The following TPD52L2 variants were observed in gnomAD, a reference collection of about 807,000 sequenced individuals.
TPD52L2 encodes the protein TPD52 like 2.
A neutral mutation model predicts 24.7 loss-of-function variants in TPD52L2; 19 were observed. The observed-to-expected ratio is 0.77, with a 90% CI of 0.54 to 1.13. The LOEUF is 1.13. TPD52L2 is among the 50% of genes most tolerant of loss of function. TPD52L2 has a pLI of 0.00. For missense variants in TPD52L2, 236 were observed against 250.4 expected (o/e 0.94, Z 0.39); for synonymous variants, 104 against 100.2 (o/e 1.04, Z -0.23).
At chr20:63,885,859 G>A (rs2053073256) in intron 5 of TPD52L2, among the ~76,000 whole-genome samples, 2 of 152,184 alleles carry the variant, frequency 1.3e-5, no homozygotes, top group South Asian at 2.1e-4. Context: ...GGTGGTGTGC[G>A]GACTGGAGGA....
In TPD52L2 at chr20:63,887,787, T is replaced by G. The variant is rs745331955; in HGVS notation, c.477-1403T>G. ...CCCCTCTAGGCTGACGAGGAAGAGC[T>G]GGTAGGGGGTCAGGCTCTTCACCTG... On this transcript the variant is annotated intron_variant, in intron 5 of 6. Coordinates refer to ENST00000346249, the MANE Select transcript of TPD52L2 (RefSeq NM_003288.4). 112 of 639,026 alleles carry G rather than the reference T, an allele frequency of 1.8e-4. 1 individual carries two copies. In the Admixed American group the frequency reaches 3.0e-3, roughly 17 times the overall value. 39.6% of individuals were successfully genotyped at this position (639,026 alleles called of 1,614,324 possible). A position where few individuals can be genotyped will look rare whatever the true frequency, so the allele number is the denominator to read the frequency against.
At chr20:63,887,480 C>A in intron 5 of TPD52L2, 2 of 1,450,044 alleles carry the variant, frequency 1.4e-6, no homozygotes, top group Non-Finnish European at 1.9e-6. Flanking sequence ...CCCAGCTCTG[C>A]CCATCCCTGC....
At chr20:63,871,393 A>AC (rs2052458667) in intron 2 of TPD52L2, among the ~76,000 whole-genome samples, 1 of 151,550 alleles carries the variant, frequency 6.6e-6, no homozygotes, top group South Asian at 2.1e-4. Flanking sequence ...TCTGTCGCCC[A>AC]GGCTGGAGTG....
chr20:63,887,939 G>A (rs2146249926), intron 5 of TPD52L2: 1 of 423,226 alleles, frequency 2.4e-6, no homozygotes, highest in Non-Finnish European at 4.3e-6. Context: ...TTGCCCTGGT[G>A]GGCTGTCACT....
intron 1 of TPD52L2, among the ~76,000 whole-genome samples, chr20:63,867,577 A>G (rs1206404820): frequency 1.3e-5 from 2 of 151,342 alleles, no homozygotes; most frequent in African/African-American, 2.4e-5. Flanking sequence ...AAAAAAAAAA[A>G]GAGAATCAGT....
intron 4 of TPD52L2, among the ~76,000 whole-genome samples, chr20:63,878,687 GA>G (rs1212325038): frequency 3.3e-5 from 5 of 152,348 alleles, no homozygotes; most frequent in Middle Eastern, 3.4e-3. Context: ...AGACTCAGGA[GA>G]GGGGGAGTGC....
At position 63,887,654 on chromosome 20, in the gene TPD52L2, G is replaced by T. The variant is rs546603083; in HGVS notation, c.477-1536G>T. 7 of 1,593,574 alleles carry T rather than the reference G, an allele frequency of 4.4e-6. No individual in the cohort carries two copies. The South Asian group carries it at 6.6e-5, about 15-fold the overall frequency. ...GCTCCAGAGCCGGGTGTCTCTGGTG[G>T]GGGTTGGGGCAGCTCCCGCCGGTTA... On this transcript the variant is annotated intron_variant, in intron 5 of 6. Transcript: ENST00000346249.
At chr20:63,873,395 A>G (rs954182897) in intron 2 of TPD52L2, among the ~76,000 whole-genome samples, 6 of 151,718 alleles carry the variant, frequency 4.0e-5, no homozygotes, top group African/African-American at 1.5e-4. Context: ...AGGCTGAGGC[A>G]GGAGAATCAC....
intron 1 of TPD52L2, among the ~76,000 whole-genome samples, chr20:63,866,335 C>A (rs182151754): frequency 6.6e-6 from 1 of 152,130 alleles, no homozygotes; most frequent in Non-Finnish European, 1.5e-5. Context: ...GATCTCTTGA[C>A]CTTGTGATCC....
At position 63,867,254 on chromosome 20, in the gene TPD52L2, T is replaced by A. The variant is rs546705691; in HGVS notation, c.19+1870T>A. Reference sequence around the variant, plus strand: ...CAGGTGTGAGCCATTGTGCCCAGCCTCATTTGTCTTTTTTTAAATAGAACA... The same window carrying A: ...CAGGTGTGAGCCATTGTGCCCAGCCACATTTGTCTTTTTTTAAATAGAACA... On this transcript the variant is annotated intron_variant, in intron 1 of 6. Coordinates refer to ENST00000346249, the MANE Select transcript of TPD52L2 (RefSeq NM_003288.4). Among the ~76,000 whole-genome samples the A allele has an allele frequency of 2.0e-5, 3 of 152,264 alleles. No individual in the cohort carries two copies. The South Asian group carries it at 6.2e-4, about 32-fold the overall frequency.
At chr20:63,884,381 A>ATG (rs1280057992) in intron 5 of TPD52L2, among the ~76,000 whole-genome samples, 1 of 152,148 alleles carries the variant, frequency 6.6e-6, no homozygotes, top group East Asian at 1.9e-4. Flanking sequence ...TGCCTAAATT[A>ATG]TGCCGGCCAT....
In TPD52L2 at chr20:63,890,424, G is replaced by T. The variant is rs1301977319; in HGVS notation, c.*479G>T. 6.1e-6 allele frequency: 1 copy of T among 164,336 alleles called. No homozygotes were observed. Among genetic ancestry groups the T allele is most frequent in the Non-Finnish European group, 1.3e-5 (1 of 76,312 alleles). The allele number at this position is 164,336 out of a possible 1,614,324, so 10.2% of individuals were successfully genotyped here. A position where few individuals can be genotyped will look rare whatever the true frequency, so the allele number is the denominator to read the frequency against. Reference sequence around the variant, plus strand: ...TTTTTTATCTCAAAATGCCGAACGAGAAAACTGTCCATTTTCTGAGACCCC... The same window carrying T: ...TTTTTTATCTCAAAATGCCGAACGATAAAACTGTCCATTTTCTGAGACCCC... On this transcript the variant is annotated 3_prime_UTR_variant, in exon 7 of 7. Transcript: ENST00000346249.
intron 2 of TPD52L2, among the ~76,000 whole-genome samples, chr20:63,870,525 T>G (rs979614374): frequency 1.5e-5 from 2 of 134,366 alleles, no homozygotes; most frequent in Non-Finnish European, 3.3e-5. Flanking sequence ...GTGAAGTTTT[T>G]TTTTTTTTTT....
chr20:63,881,508 C>T (rs1309316806), intron 4 of TPD52L2, among the ~76,000 whole-genome samples: 1 of 152,196 alleles, frequency 6.6e-6, no homozygotes, highest in Non-Finnish European at 1.5e-5. Context: ...AGTAGTAGCA[C>T]TCAGCTCACA....
chr20:63,871,411 G>A (rs1176794181), intron 2 of TPD52L2, among the ~76,000 whole-genome samples: 1 of 151,774 alleles, frequency 6.6e-6, no homozygotes, highest in Non-Finnish European at 1.5e-5. Context: ...GTGCAGTGGC[G>A]TGATCTGGGC....
In TPD52L2 at chr20:63,889,173, TC is replaced by T. The variant is rs2053240702; in HGVS notation, c.477-14del. The T allele has an allele frequency of 1.9e-6, 3 of 1,612,494 alleles. No individual in the cohort carries two copies. The highest frequency in any genetic ancestry group is 1.1e-5 in the South Asian group (1 of 90,764). On this transcript the variant is annotated splice_polypyrimidine_tract_variant and intron_variant, in intron 5 of 6. Coordinates refer to ENST00000346249, the MANE Select transcript of TPD52L2 (RefSeq NM_003288.4). ...CCTCTCCTCTTGACACCGACACTCT[TC>T]CCTCTCTCTTTAAAGGAACTCTGCG...
In TPD52L2 at chr20:63,876,736, A is replaced by C. The variant is rs892849741; in HGVS notation, c.374+861A>C. ...GGGGGACCAGGCTGGCACTGCGTGC[A>C]CATGGAGCCTTTGCGTCTGGTGTCA... On this transcript the variant is annotated intron_variant, in intron 4 of 6. Transcript: ENST00000346249. 1.5e-5 allele frequency: 7 copies of C among 455,708 alleles called. No homozygotes were observed. In the Admixed American group the frequency reaches 1.6e-4, roughly 11 times the overall value. The allele number at this position is 455,708 out of a possible 1,614,324, so 28.2% of individuals were successfully genotyped here.
chr20:63,886,650 T>G (rs1261563504), intron 5 of TPD52L2, among the ~76,000 whole-genome samples: 1 of 149,912 alleles, frequency 6.7e-6, no homozygotes, highest in East Asian at 2.0e-4. Flanking sequence ...CGCCCGGCCT[T>G]TTTTTTCTTT....
intron 5 of TPD52L2, chr20:63,887,993 T>C (rs575298172): frequency 3.6e-4 from 103 of 285,782 alleles, no homozygotes; most frequent in African/African-American, 2.3e-3. Context: ...CACCCAGAGC[T>C]GTGGTCCTTA....
Sources: allele counts gnomAD v4.1 joint callset (sites outside exome capture counted in the v4.1 genomes callset), GRCh38; gene constraint gnomAD v4.1.1; transcripts MANE v1.5; gene names NCBI Gene and HGNC (gene_info 2026-07-23, HGNC 2026-07-21).